BRAP: variants seen among roughly 807,000 people sequenced by gnomAD.
BRAP encodes the protein BRCA1 associated protein, also known as BRCA1-associated protein.
Under a neutral mutation model 73.4 loss-of-function variants are expected in BRAP, and 42 were observed. The ratio of observed to expected loss-of-function variants is 0.57; its 90% CI spans 0.45 to 0.74. The LOEUF is 0.74. Among genes scored for constraint, BRAP ranks in the 30% least tolerant of loss-of-function variants. BRAP has a pLI of 0.00. For missense variants in BRAP, 593 were observed against 751.4 expected, an observed-to-expected ratio of 0.79 and a Z score of 2.46; for synonymous variants, 255 against 267.4, an observed-to-expected ratio of 0.95 and a Z score of 0.45.
At chr12:111,667,405 A>G (rs1478155797) in intron 5 of BRAP, among the ~76,000 whole-genome samples, 11 of 152,144 alleles carry the variant, frequency 7.2e-5, no homozygotes, top group African/African-American at 2.4e-5. Context: ...TTTAACTGTC[A>G]CATTAAAAAA....
At chr12:111,657,684 C>T (rs1886585671) in intron 9 of BRAP, among the ~76,000 whole-genome samples, 1 of 152,030 alleles carries the variant, frequency 6.6e-6, no homozygotes, top group Non-Finnish European at 1.5e-5. Flanking sequence ...TCGAGACCAC[C>T]CTGGTTAACA....
At chr12:111,684,412 G>A (rs550142497) in intron 1 of BRAP, among the ~76,000 whole-genome samples, 4 of 152,266 alleles carry the variant, frequency 2.6e-5, no homozygotes, top group Admixed American at 1.3e-4. Context: ...CAAAGGTCAC[G>A]TCCTCAGGAA....
rs1228421106 is a variant in BRAP, at chr12:111,660,690, A to G, written c.897-15T>C. On this transcript the variant is annotated splice_polypyrimidine_tract_variant and intron_variant, in intron 6 of 11. Coordinates refer to ENST00000419234, the MANE Select transcript of BRAP (RefSeq NM_006768.5). ...AAACAGGACACCTATCCAGGACACCAAAAGATAATGGTGCAGGTTAAATAT... is the reference window on the plus strand; with the variant it reads ...AAACAGGACACCTATCCAGGACACCGAAAGATAATGGTGCAGGTTAAATAT... The G allele has an allele frequency of 1.5e-5, 24 of 1,591,486 alleles. No individual in the cohort carries two copies. The highest frequency in any genetic ancestry group is 2.0e-5 in the Non-Finnish European group (24 of 1,170,884).
In BRAP at chr12:111,644,072, G is replaced by A; in HGVS notation, c.*127C>T. 1 of 1,366,892 alleles carries A rather than the reference G, an allele frequency of 7.3e-7. No individual in the cohort carries two copies. Among genetic ancestry groups the A allele is most frequent in the Non-Finnish European group, 9.7e-7 (1 of 1,026,746 alleles). 84.7% of individuals were successfully genotyped at this position (1,366,892 alleles called of 1,614,324 possible). ...ACATCACACACTAGCAAATGAAAGA[G>A]CCAAACAACTGTGGCTTGATCCTCA... On this transcript the variant is annotated 3_prime_UTR_variant, in exon 12 of 12. Coordinates refer to ENST00000419234, the MANE Select transcript of BRAP (RefSeq NM_006768.5).
intron 4 of BRAP, chr12:111,673,003 T>C (rs1887237672): frequency 2.2e-6 from 1 of 451,374 alleles, no homozygotes; most frequent in Non-Finnish European, 3.9e-6. Context: ...AACAGAGTTT[T>C]TACCTGAACT....
Position 111,649,991 on chromosome 12 carries a change from G to A in BRAP, c.1363C>T (p.Leu455=). The A allele has an allele frequency of 6.2e-7, 1 of 1,612,226 alleles. No homozygotes were observed. The highest frequency in any genetic ancestry group is 1.3e-5 in the African/African-American group (1 of 75,002). ...FKETIEKCDN[L]EHKLNDLLKE... ...AGGAGATCATTTAGTTTGTGCTCTA[G>A]ATTATCACACTTCTCAATTGTTTCT... Residue 455 remains leucine, a synonymous_variant, in exon 11 of 12, where the codon CTA becomes TTA. Transcript: ENST00000419234.
intron 4 of BRAP, 60 bp downstream of exon 4, chr12:111,679,089 TAC>T (rs925336579): frequency 8.1e-7 from 1 of 1,236,818 alleles, no homozygotes; most frequent in African/African-American, 1.5e-5. Context: ...ACAGCTATCA[TAC>T]AGTTTGAATA....
chr12:111,672,513 C>T, intron 5 of BRAP, 148 bp downstream of exon 5: 2 of 624,474 alleles, frequency 3.2e-6, no homozygotes, highest in Non-Finnish European at 5.4e-6. Context: ...CAGGCACTCC[C>T]CATTCGTCTC....
chr12:111,646,376 G>C (rs1047919962), intron 11 of BRAP, among the ~76,000 whole-genome samples: 3 of 152,156 alleles, frequency 2.0e-5, no homozygotes, highest in Non-Finnish European at 4.4e-5. Flanking sequence ...TTATGCATCA[G>C]AACACCCAAG....
At chr12:111,657,891 G>A (rs1886593279) in intron 9 of BRAP, among the ~76,000 whole-genome samples, 1 of 151,436 alleles carries the variant, frequency 6.6e-6, no homozygotes, top group Non-Finnish European at 1.5e-5. Flanking sequence ...CTGAACTTGA[G>A]ACAACTACAG....
At chr12:111,675,457 T>G (rs1887345253) in intron 4 of BRAP, among the ~76,000 whole-genome samples, 1 of 149,352 alleles carries the variant, frequency 6.7e-6, no homozygotes, top group Non-Finnish European at 1.5e-5. Context: ...GTATTAGAAA[T>G]GCACCTTCAC....
At chr12:111,680,887 GGCTCTAGCAA>G (rs1216560605) in intron 3 of BRAP, among the ~76,000 whole-genome samples, 2 of 152,106 alleles carry the variant, frequency 1.3e-5, no homozygotes, top group African/African-American at 4.8e-5. Flanking sequence ...CTTTCCTTGG[GGCTCTAGCAA>G]GCTTTGTTTG....
At position 111,665,326 on chromosome 12, in the gene BRAP, T is replaced by C. The variant is rs981410344; in HGVS notation, c.896+313A>G. 6.6e-6 allele frequency among the ~76,000 whole-genome samples: 1 copy of C among 152,062 alleles called. No individual in the cohort carries two copies. Among genetic ancestry groups the C allele is most frequent in the Admixed American group, 6.6e-5 (1 of 15,252 alleles). ...CACCAAGTGCAGCTGATACATGAGA[T>C]TCCAGACCTAGATTTCACTGCAGCA... On this transcript the variant is annotated intron_variant, in intron 6 of 11. Transcript: ENST00000419234. The surrounding 1 kb of genome is among the most constrained non-coding windows in gnomAD (Gnocchi z 4.3).
intron 5 of BRAP, among the ~76,000 whole-genome samples, chr12:111,666,513 G>C (rs1886950957): frequency 6.6e-6 from 1 of 152,200 alleles, no homozygotes; most frequent in Non-Finnish European, 1.5e-5. Flanking sequence ...GTGTGGAACA[G>C]TGGTGAGCAA....
intron 4 of BRAP, among the ~76,000 whole-genome samples, chr12:111,673,736 G>A (rs1006038767): frequency 2.6e-5 from 4 of 152,106 alleles, no homozygotes; most frequent in Admixed American, 2.0e-4. Context: ...AGGTCAAGGG[G>A]CCCAAGATGA....
chr12:111,668,198 C>T (rs2135916891), intron 5 of BRAP, among the ~76,000 whole-genome samples: 1 of 152,260 alleles, frequency 6.6e-6, no homozygotes, highest in African/African-American at 2.4e-5. Flanking sequence ...CAGAGCAAGA[C>T]TCCGTCTGGG....
chr12:111,648,466 A>G (rs367751937), intron 11 of BRAP, among the ~76,000 whole-genome samples: 2,317 of 126,680 alleles, frequency 0.018, 69 homozygotes, highest in African/African-American at 0.065. Flanking sequence ...ACAAAAATTA[A>G]CTGGGTGTGG....
At chr12:111,678,749 G>T (rs2135928382) in intron 4 of BRAP, among the ~76,000 whole-genome samples, 1 of 148,560 alleles carries the variant, frequency 6.7e-6, no homozygotes, top group East Asian at 2.0e-4. Flanking sequence ...GAGTGCAGTG[G>T]TGTGATGTCA....
At chr12:111,661,385 T>C (rs928597528) in intron 6 of BRAP, among the ~76,000 whole-genome samples, 4 of 150,722 alleles carry the variant, frequency 2.7e-5, no homozygotes, top group Non-Finnish European at 1.5e-5. Flanking sequence ...GTTCAAGCAA[T>C]TCTCCTGCCT....
Sources: gnomAD v4.1 joint callset for allele counts (sites outside exome capture counted in the v4.1 genomes callset) on GRCh38, gnomAD v4.1.1 for gene constraint, Gnocchi (gnomAD v3.1) non-coding constraint, MANE v1.5 for transcripts, NCBI Gene and HGNC (gene_info 2026-07-23, HGNC 2026-07-21) for gene names.